Variants in AP3D1 observed in about 807,000 individuals in gnomAD.
AP3D1 encodes AP-3 complex subunit delta-1.
In AP3D1, 51 loss-of-function variants were observed where a neutral mutation model predicts 147.6. That is an observed-to-expected ratio of 0.35 (90% confidence interval 0.28 to 0.44). The LOEUF is 0.44. Among genes scored for constraint, AP3D1 ranks in the 20% least tolerant of loss-of-function variants. The pLI is 1.00. For missense variants in AP3D1, 1,421 were observed against 1,624.2 expected (o/e 0.87, Z 2.15); for synonymous variants, 760 against 663.0 (o/e 1.15, Z -2.25).
At chr19:2,147,412 C>G (rs1568309032) in intron 1 of AP3D1, among the ~76,000 whole-genome samples, 1 of 131,816 alleles carries the variant, frequency 7.6e-6, no homozygotes, top group Non-Finnish European at 1.6e-5. Flanking sequence ...ATATCTTTTC[C>G]TTTCTTTTTT....
intron 2 of AP3D1, among the ~76,000 whole-genome samples, chr19:2,138,116 A>G (rs1329699333): frequency 2.0e-5 from 3 of 152,204 alleles, no homozygotes; most frequent in Non-Finnish European, 2.9e-5. Context: ...CGGCTCCTTG[A>G]AATAGTTACG....
At chr19:2,162,032 AG>A in intron 1 of AP3D1, among the ~76,000 whole-genome samples, 1 of 143,204 alleles carries the variant, frequency 7.0e-6, no homozygotes, top group South Asian at 2.2e-4. Flanking sequence ...AAGCCCATTG[AG>A]TTTTTTTTTT....
intron 1 of AP3D1, among the ~76,000 whole-genome samples, chr19:2,139,059 CAAAAAAAAAAA>C (rs60728832): frequency 0.14 from 8,510 of 61,912 alleles, 523 homozygotes; most frequent in East Asian, 0.3. Context: ...GACTCCGTCT[CAAAAAAAAAAA>C]AAAAAAAAAA....
At chr19:2,112,085 T>C (rs771886123) in intron 24 of AP3D1, 1 of 552,814 alleles carries the variant, frequency 1.8e-6, no homozygotes, top group Non-Finnish European at 3.2e-6. Flanking sequence ...CAGGGAGCCA[T>C]GCAGGGCAAA....
chr19:2,152,348 G>A (rs571597517), upstream of AP3D1, among the ~76,000 whole-genome samples: 3 of 151,856 alleles, frequency 2.0e-5, no homozygotes, highest in African/African-American at 7.2e-5. Flanking sequence ...TTCGAAACCA[G>A]CCAGGCCAAC....
At position 2,129,441 on chromosome 19, in the gene AP3D1, G is replaced by A. The variant is rs201155988; in HGVS notation, c.609C>T (p.Ala203=). Residue 203 remains alanine (A), a synonymous_variant, in exon 7 of 32, where the codon GCC becomes GCT. Transcript: ENST00000643116. ...EDPDPGVQSA[A]VNVICELARR... The stretch of plus-strand genomic sequence containing the variant: ...TGGCCAGCTCGCAGATGACATTGAC[G>A]GCAGCCGACTGAACCCCTGGGGAAC... The A allele has an allele frequency of 2.9e-5, 47 of 1,613,918 alleles. No individual in the cohort carries two copies. The highest frequency in any genetic ancestry group is 1.7e-4 in the Middle Eastern group (1 of 6,054).
rs1205215951 is a variant in AP3D1, at chr19:2,113,320, G to A, written c.2679+16C>T. 4 of 1,338,858 alleles carry A rather than the reference G, an allele frequency of 3.0e-6. No individual in the cohort carries two copies. The Admixed American group carries it at 9.5e-5, about 32-fold the overall frequency. 82.9% of individuals were successfully genotyped at this position (1,338,858 alleles called of 1,614,324 possible). A position where few individuals can be genotyped will look rare whatever the true frequency, so the allele number is the denominator to read the frequency against. ...CAGACACCGAGGCTGGCACTGGCCA[G>A]CTGCCAGTCTCTTACCGTGGATGGA... is the stretch of plus-strand genomic sequence containing the variant. On this transcript the variant is annotated intron_variant, in intron 23 of 31. Transcript: ENST00000643116.
intron 4 of AP3D1, among the ~76,000 whole-genome samples, chr19:2,134,254 C>CA (rs1320715845): frequency 6.6e-6 from 1 of 151,820 alleles, no homozygotes; most frequent in African/African-American, 2.4e-5. Flanking sequence ...CCTGCCTCTA[C>CA]AAAAAATACA....
At chr19:2,129,837 T>G (rs952196630) in intron 6 of AP3D1, among the ~76,000 whole-genome samples, 1 of 152,032 alleles carries the variant, frequency 6.6e-6, no homozygotes, top group Non-Finnish European at 1.5e-5. Flanking sequence ...TGCCCACCAC[T>G]CCAGGGAGAA....
rs371993830 is a variant in AP3D1, at chr19:2,110,870, C to G, written c.3012G>C (p.Gln1004His). The change falls in exon 27 of 32, where the codon CAG (glutamine) becomes CAC (histidine). Residue 1004 changes from glutamine (Q) to histidine (H), a missense_variant. This residue lies in a region of AP3D1 where 791 missense variants were observed against 761.4 expected (regional missense o/e 1.04). Coordinates refer to ENST00000643116, the MANE Select transcript of AP3D1 (RefSeq NM_001261826.3). ...KMTCDIRGSL[Q>H]EDSQVTVAIV... ...TGGCCACAGTGACCTGGCTGTCCTC[C>G]TGCAGACTGCCCCGGATGTCACAGG... is the stretch of plus-strand genomic sequence containing the variant. 4 of 1,613,220 alleles carry G rather than the reference C, an allele frequency of 2.5e-6. No homozygotes were observed. The highest frequency in any genetic ancestry group is 2.7e-5 in the African/African-American group (2 of 74,944).
At chr19:2,104,744 G>A (rs1252577208) in intron 31 of AP3D1, among the ~76,000 whole-genome samples, 1 of 142,740 alleles carries the variant, frequency 7.0e-6, no homozygotes, top group Non-Finnish European at 1.5e-5. Flanking sequence ...AGGGCTCACC[G>A]TAGCCTTAAA....
chr19:2,148,356 G>T (rs1253218806), intron 1 of AP3D1, among the ~76,000 whole-genome samples: 6 of 152,072 alleles, frequency 3.9e-5, no homozygotes, highest in Admixed American at 3.9e-4. Flanking sequence ...AATAGGTTTT[G>T]CATGGGAACC....
rs772269997 is a variant in AP3D1, at chr19:2,111,312, G to A, written c.2958C>T (p.Leu986=). ...EQLPPESSYS[L]LAENSYVKMT... ...TTTTAACATAGGAATTTTCAGCGAG[G>A]AGGGAGTAGCTGGACTCAGGCTGGA... The change falls in exon 26 of 32, where the codon CTC becomes CTT. Residue 986 remains leucine (L), a synonymous_variant. Transcript: ENST00000643116. The A allele has an allele frequency of 1.9e-6, 3 of 1,614,084 alleles. No individual in the cohort carries two copies. The highest frequency in any genetic ancestry group is 2.5e-6 in the Non-Finnish European group (3 of 1,180,026).
intron 1 of AP3D1, among the ~76,000 whole-genome samples, chr19:2,143,486 C>G (rs2019276755): frequency 1.3e-5 from 2 of 151,924 alleles, no homozygotes; most frequent in African/African-American, 4.8e-5. Context: ...GTGATCCGCC[C>G]ACCTTGGCCT....
intron 4 of AP3D1, among the ~76,000 whole-genome samples, chr19:2,133,937 G>A (rs1466653844): frequency 6.6e-6 from 1 of 151,804 alleles, no homozygotes; most frequent in African/African-American, 2.4e-5. Flanking sequence ...GTGAAACCCT[G>A]TCTCTCCTAA....
At chr19:2,156,566 CAG>C (rs2019646835) in intron 1 of AP3D1, among the ~76,000 whole-genome samples, 4 of 142,524 alleles carry the variant, frequency 2.8e-5, no homozygotes, top group African/African-American at 1.0e-4. Flanking sequence ...TGAAAAAAAA[CAG>C]GGCAGGGCGC....
At chr19:2,128,156 C>T (rs773403753) in intron 8 of AP3D1, among the ~76,000 whole-genome samples, 40 of 152,272 alleles carry the variant, frequency 2.6e-4, no homozygotes, top group South Asian at 4.1e-4. Flanking sequence ...GGGGTCCTGG[C>T]TCCGCCTCAG....
chr19:2,140,878 C>G (rs566087446), intron 1 of AP3D1, among the ~76,000 whole-genome samples: 12 of 151,550 alleles, frequency 7.9e-5, no homozygotes, highest in Non-Finnish European at 1.2e-4. Flanking sequence ...CCTGGCTCAG[C>G]CTCCTGAGTA....
rs146935293 is a variant in AP3D1 at position 2,112,248 on chromosome 19, G to A, written c.2788-420C>T. The A allele has an allele frequency of 1.4e-3, 330 of 236,502 alleles. 2 individuals are homozygous for A. The highest frequency in any genetic ancestry group is 0.011 in the Middle Eastern group (7 of 618). 14.7% of individuals were successfully genotyped at this position (236,502 alleles called of 1,614,324 possible). Reference sequence around the variant, plus strand: ...GGCCCAAGTGGCTATCAACAGATGAGTGGGTCAGCACAGTGTGGCCCATCC... The same window carrying A: ...GGCCCAAGTGGCTATCAACAGATGAATGGGTCAGCACAGTGTGGCCCATCC... On this transcript the variant is annotated intron_variant, in intron 24 of 31. Transcript: ENST00000643116.
Sources: allele counts gnomAD v4.1 joint callset (sites outside exome capture counted in the v4.1 genomes callset), GRCh38; gene constraint gnomAD v4.1.1; regional missense constraint gnomAD v4.1.1; transcripts MANE v1.5; gene names NCBI Gene and HGNC (gene_info 2026-07-23, HGNC 2026-07-21).